Variants in PGM1 observed in about 807,000 individuals in gnomAD.
The protein encoded by PGM1 is phosphoglucomutase-1.
A neutral mutation model predicts 55.6 loss-of-function variants in PGM1; 52 were observed. The ratio of observed to expected loss-of-function variants is 0.94; its 90% CI spans 0.75 to 1.18. The LOEUF is 1.18. Among genes scored for constraint, PGM1 ranks in the 50% most tolerant of loss-of-function variants. PGM1 has a pLI of 0.00. For missense variants in PGM1, 724 were observed against 729.3 expected (o/e 0.99, Z 0.08); for synonymous variants, 287 against 271.7 (o/e 1.06, Z -0.55).
intron 4 of PGM1, among the ~76,000 whole-genome samples, chr1:63,633,918 G>GTGTGTGTGTGTGTA (rs1407304546): frequency 1.1e-4 from 3 of 26,756 alleles, no homozygotes; most frequent in Admixed American, 7.0e-4. Context: ...GTGTGTGTGT[G>GTGTGTGTGTGTGTA]TATATATATA....
intron 1 of PGM1, among the ~76,000 whole-genome samples, chr1:63,606,889 G>A (rs188887630): frequency 2.6e-3 from 395 of 152,284 alleles, no homozygotes; most frequent in Non-Finnish European, 4.6e-3. Context: ...GACCTTGGCC[G>A]TCAATTATTC....
At chr1:63,631,556 A>G (rs1366187262) in intron 3 of PGM1, 101 bp from the exon 4 acceptor site, 9 of 1,111,604 alleles carry the variant, frequency 8.1e-6, no homozygotes, top group Non-Finnish European at 1.2e-5. Flanking sequence ...TTGTCCTTTT[A>G]AAATAGCAAT....
intron 1 of PGM1, among the ~76,000 whole-genome samples, chr1:63,615,585 C>CA (rs1648691745): frequency 1.4e-5 from 1 of 71,726 alleles, no homozygotes; most frequent in East Asian, 7.5e-4. Flanking sequence ...TTTTTTGAGA[C>CA]AGAGCCTTAC....
chr1:63,634,387 G>C (rs1267474549), intron 4 of PGM1, among the ~76,000 whole-genome samples: 1 of 152,174 alleles, frequency 6.6e-6, no homozygotes, highest in Non-Finnish European at 1.5e-5. Flanking sequence ...GAGGCACAGA[G>C]AGTTTAAATA....
intron 7 of PGM1, among the ~76,000 whole-genome samples, chr1:63,645,302 A>AC (rs377167699): frequency 4.3e-4 from 66 of 152,344 alleles, no homozygotes; most frequent in African/African-American, 1.5e-3. Context: ...AAAAGAAAAA[A>AC]TCAAATTCCT....
intron 1 of PGM1, among the ~76,000 whole-genome samples, chr1:63,619,944 T>A (rs550958163): frequency 1.6e-4 from 25 of 152,344 alleles, no homozygotes; most frequent in African/African-American, 5.8e-4. Context: ...TGAGGCAATC[T>A]TCGCAAAAAC....
chr1:63,595,235 C>T (rs1439200965), intron 1 of PGM1, among the ~76,000 whole-genome samples: 4 of 152,194 alleles, frequency 2.6e-5, no homozygotes, highest in Admixed American at 6.5e-5. Context: ...CATTTATCCT[C>T]CTGCAGCCCT....
chr1:63,615,004 G>A (rs72681110), intron 1 of PGM1, among the ~76,000 whole-genome samples: 22,959 of 152,106 alleles, frequency 0.15, 3,465 homozygotes, highest in African/African-American at 0.39. Flanking sequence ...AAGGATTCAG[G>A]CTCAGGCCTG....
At chr1:63,615,374 G>A (rs1648680494) in intron 1 of PGM1, among the ~76,000 whole-genome samples, 1 of 151,982 alleles carries the variant, frequency 6.6e-6, no homozygotes, top group Admixed American at 6.6e-5. Flanking sequence ...TGCATTTTAT[G>A]GAAACTCTGG....
chr1:63,623,175 A>C, intron 1 of PGM1: 4 of 1,186,296 alleles, frequency 3.4e-6, no homozygotes, highest in Non-Finnish European at 4.2e-6. Context: ...AAATAATTGA[A>C]GGGTATTTGG....
intron 1 of PGM1, chr1:63,623,167 A>G: frequency 8.7e-7 from 1 of 1,154,858 alleles, no homozygotes; most frequent in Non-Finnish European, 1.1e-6. Flanking sequence ...TGAGACAAAA[A>G]TAATTGAAGG....
chr1:63,616,341 G>A (rs1455466885), intron 1 of PGM1, among the ~76,000 whole-genome samples: 2 of 152,168 alleles, frequency 1.3e-5, no homozygotes, highest in African/African-American at 2.4e-5. Flanking sequence ...GGGTTCCTAA[G>A]CCTTGCACAT....
At chr1:63,653,192 C>G (rs954993951) in intron 9 of PGM1, among the ~76,000 whole-genome samples, 1 of 152,154 alleles carries the variant, frequency 6.6e-6, no homozygotes, top group African/African-American at 2.4e-5. Context: ...TCAGAAAATC[C>G]AAGCATTTTG....
chr1:63,613,724 G>GA (rs1648630617), intron 1 of PGM1, among the ~76,000 whole-genome samples: 1 of 130,710 alleles, frequency 7.7e-6, no homozygotes, highest in African/African-American at 2.9e-5. Flanking sequence ...TTTTTTTTTG[G>GA]AGGGGGCGGG....
chr1:63,654,981 T>A (rs1020293128), intron 10 of PGM1, among the ~76,000 whole-genome samples: 1 of 150,638 alleles, frequency 6.6e-6, no homozygotes, highest in African/African-American at 2.4e-5. Context: ...TTTTTTTTTT[T>A]TTTTTGAGAC....
intron 4 of PGM1, among the ~76,000 whole-genome samples, 199 bp from the exon 5 acceptor site, chr1:63,634,630 C>G (rs1649312671): frequency 6.6e-6 from 1 of 152,188 alleles, no homozygotes; most frequent in Non-Finnish European, 1.5e-5. Context: ...AACATAATCT[C>G]TCATTGTTCC....
chr1:63,606,818 G>A (rs1648431388), intron 1 of PGM1, among the ~76,000 whole-genome samples: 1 of 152,152 alleles, frequency 6.6e-6, no homozygotes, highest in Non-Finnish European at 1.5e-5. Flanking sequence ...ATTTTCAAGT[G>A]GTAGTGTTAC....
chr1:63,650,274 C>T (rs570242086), intron 8 of PGM1, among the ~76,000 whole-genome samples: 1 of 152,334 alleles, frequency 6.6e-6, no homozygotes, highest in Admixed American at 6.5e-5. Context: ...GATAGGGCAG[C>T]TGGCCCTGTA....
At position 63,627,062 on chromosome 1, in the gene PGM1, C is replaced by G. The variant is rs879797448; in HGVS notation, c.247-2363C>G. On this transcript the variant is annotated intron_variant, in intron 1 of 10. Transcript: ENST00000371084. ...TGTGGCATATGGCAGGACCCCCCCC[C>G]CCCCACACACACACACACTTTTAAG... is the stretch of plus-strand genomic sequence containing the variant. Among the ~76,000 whole-genome samples, 293 of 127,824 alleles carry G rather than the reference C, an allele frequency of 2.3e-3. 4 individuals carry two copies. Among genetic ancestry groups the G allele is most frequent in the Non-Finnish European group, 4.0e-3 (237 of 59,936 alleles). The allele number at this position is 127,824 out of a possible 152,430, so 83.9% of individuals were successfully genotyped here.
Sources: gnomAD v4.1 joint callset for allele counts (sites outside exome capture counted in the v4.1 genomes callset) on GRCh38, gnomAD v4.1.1 for gene constraint, MANE v1.5 for transcripts, NCBI Gene and HGNC (gene_info 2026-07-23, HGNC 2026-07-21) for gene names.